Variants in SPEN observed in about 807,000 individuals in gnomAD.
SPEN encodes spen family transcriptional repressor, also known as msx2-interacting protein.
SPEN carries 18 observed loss-of-function variants against 269.9 expected under a neutral mutation model. The observed-to-expected ratio is 0.07, with a 90% confidence interval of 0.05 to 0.10. SPEN has a LOEUF of 0.10. Among genes scored for constraint, SPEN ranks in the 10% least tolerant of loss-of-function variants. The pLI is 1.00. For synonymous variants in SPEN, 1,726 were observed against 1,765.7 expected (o/e 0.98, Z 0.56); for missense variants, 3,822 against 4,631.2 (o/e 0.83, Z 5.07).
chr1:15,890,557 GGT>G (rs2070778862), intron 3 of SPEN, among the ~76,000 whole-genome samples: 8 of 139,454 alleles, frequency 5.7e-5, no homozygotes, highest in Non-Finnish European at 7.7e-5. Context: ...TTTTGACTCA[GGT>G]TTTTTTTTTT....
At chr1:15,867,068 A>G (rs993986341) in intron 1 of SPEN, among the ~76,000 whole-genome samples, 18 of 152,290 alleles carry the variant, frequency 1.2e-4, no homozygotes, top group African/African-American at 3.4e-4. Flanking sequence ...GAGTTGCGCA[A>G]CCATTATCAC....
chr1:15,879,018 AAAAAAAG>A (rs1407919794), intron 3 of SPEN, among the ~76,000 whole-genome samples: 18 of 150,732 alleles, frequency 1.2e-4, no homozygotes, highest in Admixed American at 2.6e-4. Context: ...AAAAAAAAAA[AAAAAAAG>A]AAAAGAAAAG....
At chr1:15,893,876 T>G (rs1195017757) in intron 3 of SPEN, among the ~76,000 whole-genome samples, 1 of 152,140 alleles carries the variant, frequency 6.6e-6, no homozygotes, top group Non-Finnish European at 1.5e-5. Context: ...CTGTCTCTAC[T>G]AAAAATACAA....
chr1:15,893,916 G>A (rs528473438), intron 3 of SPEN, among the ~76,000 whole-genome samples: 2 of 152,226 alleles, frequency 1.3e-5, no homozygotes, highest in South Asian at 2.1e-4. Flanking sequence ...GCGTGTGCCT[G>A]TAATCCTAGC....
chr1:15,906,309 C>T (rs963213320), intron 3 of SPEN, among the ~76,000 whole-genome samples: 1 of 152,060 alleles, frequency 6.6e-6, no homozygotes, highest in Non-Finnish European at 1.5e-5. Context: ...TGATAAGGGG[C>T]CTAGCAATGA....
At chr1:15,906,803 G>C (rs1180144623) in intron 3 of SPEN, among the ~76,000 whole-genome samples, 1 of 131,616 alleles carries the variant, frequency 7.6e-6, no homozygotes, top group East Asian at 2.2e-4. Flanking sequence ...TTGAGACAGA[G>C]TCTCTCTCTG....
In SPEN at chr1:15,909,410, C is replaced by T; in HGVS notation, c.971C>T (p.Ser324Leu). Residue 324 changes from serine (S) to leucine (L), a missense_variant, in exon 4 of 15, where the codon TCA (serine) becomes TTA (leucine). By Grantham distance (145) the Ser-to-Leu change is moderately radical. Coordinates refer to ENST00000375759, the MANE Select transcript of SPEN (RefSeq NM_015001.3). ...AVPAPTSQLL[S>L]SLEKDEPRKS... ...CCTGCACCCACTTCCCAGTTGCTTT[C>T]ATCTCTGGAAAAAGATGAGCCCCGT... 2 of 1,614,178 alleles carry T rather than the reference C, an allele frequency of 1.2e-6. No homozygotes were observed. The highest frequency in any genetic ancestry group is 1.7e-6 in the Non-Finnish European group (2 of 1,180,028).
At chr1:15,874,461 C>T in intron 2 of SPEN, 1 of 1,194,562 alleles carries the variant, frequency 8.4e-7, no homozygotes, top group Non-Finnish European at 1.1e-6. Context: ...TCTTTTTTTC[C>T]CCACTAACTC....
rs1002877776 is a variant in SPEN, at chr1:15,887,884, A to G, written c.881+11206A>G. ...AAAAAAATACAAAAATTAACTGGGC[A>G]TGGTGGTATGGTGGACGCCTATAAT... On this transcript the variant is annotated intron_variant, in intron 3 of 14. Transcript: ENST00000375759. Among the ~76,000 whole-genome samples the G allele has an allele frequency of 4.0e-5, 6 of 150,604 alleles. No homozygotes were observed. The South Asian group carries it at 8.5e-4, about 21-fold the overall frequency.
intron 1 of SPEN, among the ~76,000 whole-genome samples, chr1:15,861,729 G>C (rs989186206): frequency 3.3e-5 from 5 of 151,670 alleles, no homozygotes; most frequent in Admixed American, 3.3e-4. Context: ...CTCTCACCTT[G>C]GCCTCCCAGA....
chr1:15,935,265 G>T lies in SPEN; in HGVS notation c.9025G>T (p.Ala3009Ser). The change falls in exon 11 of 15, where the codon GCA (alanine) becomes TCA (serine). Residue 3009 changes from alanine to serine, a missense_variant. By Grantham distance (99) the Ala-to-Ser change is moderately conservative (BLOSUM62 1). Coordinates refer to ENST00000375759, the MANE Select transcript of SPEN (RefSeq NM_015001.3). This position sits in a 1 kb window ranked among gnomAD's most constrained non-coding sequence, Gnocchi z 7.7. ...TGTCCCCTCGGGGCCCAGCATCCCA[G>T]CAGATCGAACTGTCTCCCATTTGGC... Reference protein sequence around the residue: ...NHVPSGPSIPADRTVSHLAAA... With the variant: ...NHVPSGPSIPSDRTVSHLAAA... The T allele has an allele frequency of 6.2e-7, 1 of 1,614,120 alleles. No homozygotes were observed.
At position 15,929,304 on chromosome 1, in the gene SPEN, G is replaced by A. The variant is rs115566585; in HGVS notation, c.3064G>A (p.Val1022Met). The A allele has an allele frequency of 2.3e-3, 3,736 of 1,614,194 alleles. 13 individuals are homozygous for A. The highest frequency in any genetic ancestry group is 7.1e-3 in the Middle Eastern group (43 of 6,062). The change falls in exon 11 of 15, where the codon GTG becomes ATG. Residue 1022 changes from valine (V) to methionine (M), a missense_variant. Around this residue, in one of 16 missense-constraint regions of SPEN, gnomAD observed 572 missense variants for 582.6 expected, o/e 0.98. Coordinates refer to ENST00000375759, the MANE Select transcript of SPEN (RefSeq NM_015001.3). The surrounding 1 kb of genome is among the most constrained non-coding windows in gnomAD (Gnocchi z 5.8). ...CGTGCTTTCAAAAAAGCAGCCTGAC[G>A]TGTCCTCTAGAGAGGTCATTCTGCT... ...ARVLSKKQPDVSSREVILLRE... is the reference protein window; with the variant it reads ...ARVLSKKQPDMSSREVILLRE...
chr1:15,898,566 T>C (rs532177060), intron 3 of SPEN, among the ~76,000 whole-genome samples: 2 of 149,218 alleles, frequency 1.3e-5, no homozygotes, highest in Non-Finnish European at 3.0e-5. Context: ...TTCTTTTTTT[T>C]TTTTTTTGTT....
At chr1:15,911,370 G>A (rs2071010777) in intron 5 of SPEN, 69 bp downstream of exon 5, 4 of 1,261,792 alleles carry the variant, frequency 3.2e-6, no homozygotes, top group Non-Finnish European at 4.6e-6. Flanking sequence ...TGTATGAGAG[G>A]GCAGCATATG....
At chr1:15,909,984 C>T (rs1167414289) in intron 4 of SPEN, among the ~76,000 whole-genome samples, 2 of 151,486 alleles carry the variant, frequency 1.3e-5, no homozygotes, top group Non-Finnish European at 2.9e-5. Context: ...ATTAGCTGGG[C>T]GTGGTGGCGG....
At position 15,929,404 on chromosome 1, in the gene SPEN, A is replaced by G; in HGVS notation, c.3164A>G (p.Asp1055Gly). The part of the protein sequence containing the change: ...LKRESKKIKL[D>G]RLNTVASPKD... ...AGAGAATCTAAAAAAATCAAACTGGACAGACTTAATACTGTTGCCAGCCCC... is the reference window on the plus strand; with the variant it reads ...AGAGAATCTAAAAAAATCAAACTGGGCAGACTTAATACTGTTGCCAGCCCC... The change falls in exon 11 of 15, where the codon GAC becomes GGC. Residue 1055 changes from aspartate (D) to glycine (G), a missense_variant. Physicochemically the swap from Asp to Gly is moderately conservative, Grantham distance 94 (BLOSUM62 -1). Around this residue, in one of 16 missense-constraint regions of SPEN, gnomAD observed 572 missense variants for 582.6 expected, o/e 0.98. Coordinates refer to ENST00000375759, the MANE Select transcript of SPEN (RefSeq NM_015001.3). This position sits in a 1 kb window ranked among gnomAD's most constrained non-coding sequence, Gnocchi z 5.8. 6.2e-7 allele frequency: 1 copy of G among 1,613,580 alleles called. No homozygotes were observed. Among genetic ancestry groups the G allele is most frequent in the Non-Finnish European group, 8.5e-7 (1 of 1,179,880 alleles).
chr1:15,851,350 A>T (rs1205466309), intron 1 of SPEN, among the ~76,000 whole-genome samples: 1 of 152,228 alleles, frequency 6.6e-6, no homozygotes, highest in Non-Finnish European at 1.5e-5. Context: ...TAAAAAAATT[A>T]AATGAGAACT....
rs369897422 is a variant in SPEN at position 15,898,529 on chromosome 1, A to G, written c.882-10792A>G. On this transcript the variant is annotated intron_variant, in intron 3 of 14. Transcript: ENST00000375759. Reference sequence around the variant, plus strand: ...CTTCAAGGTTCATTCATGATGTAGCATTTGTCAAAATTTTTTTTTTCTTTT... The same window carrying G: ...CTTCAAGGTTCATTCATGATGTAGCGTTTGTCAAAATTTTTTTTTTCTTTT... 2.1e-5 allele frequency among the ~76,000 whole-genome samples: 3 copies of G among 146,312 alleles called. No individual in the cohort carries two copies. The East Asian group carries it at 5.9e-4, about 29-fold the overall frequency.
chr1:15,918,226 TTTTA>T (rs1290027496), intron 6 of SPEN, among the ~76,000 whole-genome samples: 36 of 152,338 alleles, frequency 2.4e-4, no homozygotes, highest in Admixed American at 7.2e-4. Flanking sequence ...TCATATTTTA[TTTTA>T]TTTATTTATT....
Sources: gnomAD v4.1 joint callset for allele counts (sites outside exome capture counted in the v4.1 genomes callset) on GRCh38, gnomAD v4.1.1 for gene constraint, gnomAD v4.1.1 regional missense constraint, Gnocchi (gnomAD v3.1) non-coding constraint, MANE v1.5 for transcripts, NCBI Gene and HGNC (gene_info 2026-07-23, HGNC 2026-07-21) for gene names.